The following LRP1B variants were observed in gnomAD, a reference collection of about 807,000 sequenced individuals.
The protein encoded by LRP1B is low-density lipoprotein receptor-related protein 1B.
In LRP1B, 217 loss-of-function variants were observed where a neutral mutation model predicts 556.6. The ratio of observed to expected loss-of-function variants is 0.39; its 90% CI spans 0.35 to 0.44. The LOEUF is 0.44. LRP1B is among the 20% of genes least tolerant of loss of function. The pLI, the probability that LRP1B is intolerant of heterozygous loss-of-function variation, is 1.00. For synonymous variants in LRP1B, 2,047 were observed against 1,865.8 expected (o/e 1.10, Z -2.50); for missense variants, 5,053 against 5,620.8 (o/e 0.90, Z 3.23).
At chr2:141,422,120 T>A (rs1308075129) in intron 3 of LRP1B, among the ~76,000 whole-genome samples, 1 of 152,180 alleles carries the variant, frequency 6.6e-6, no homozygotes, top group African/African-American at 2.4e-5. Flanking sequence ...GTGACCCAAC[T>A]TTTTCATCTA....
intron 1 of LRP1B, among the ~76,000 whole-genome samples, chr2:142,095,478 CTTTAA>C (rs1383539359): frequency 6.6e-6 from 1 of 151,440 alleles, no homozygotes; most frequent in Non-Finnish European, 1.5e-5. Flanking sequence ...TGTGTGTATC[CTTTAA>C]TTTTTTTCAT....
At chr2:140,329,745 A>G (rs1306861614) in intron 79 of LRP1B, among the ~76,000 whole-genome samples, 1 of 152,038 alleles carries the variant, frequency 6.6e-6, no homozygotes, top group Admixed American at 6.6e-5. Flanking sequence ...GGAACCAGAG[A>G]AAACACAAGA....
At chr2:140,950,126 T>C (rs922636712) in intron 20 of LRP1B, 109 bp downstream of exon 20, 10 of 754,408 alleles carry the variant, frequency 1.3e-5, no homozygotes, top group Non-Finnish European at 2.0e-5. Context: ...ATGTATATTC[T>C]TGCCTAATAA....
intron 7 of LRP1B, among the ~76,000 whole-genome samples, chr2:141,119,792 T>A (rs1466959056): frequency 2.6e-5 from 4 of 151,658 alleles, no homozygotes; most frequent in Admixed American, 2.6e-4. Flanking sequence ...GTATCTGTTA[T>A]GTATAAAGAA....
chr2:140,883,885 G>C lies in LRP1B; in HGVS notation c.4101C>G (p.Ser1367=), dbSNP rs1559173851. The change falls in exon 25 of 91, where the codon TCC becomes TCG. Residue 1367 remains serine, a synonymous_variant. Coordinates refer to ENST00000389484, the MANE Select transcript of LRP1B (RefSeq NM_018557.3). ...DQIEVAKLDG[S]LRTTLIAGAM... is the part of the protein sequence containing the mutation. ...CTCCTGCTATTAGTGTAGTTCTTAGGGAGCCATCTAGTTTGGCCACTTCGA... is the reference window on the plus strand; with the variant it reads ...CTCCTGCTATTAGTGTAGTTCTTAGCGAGCCATCTAGTTTGGCCACTTCGA... The C allele has an allele frequency of 6.2e-7, 1 of 1,613,676 alleles. No individual in the cohort carries two copies. The highest frequency in any genetic ancestry group is 8.5e-7 in the Non-Finnish European group (1 of 1,179,856).
chr2:141,864,633 G>A (rs1698348349), intron 1 of LRP1B, among the ~76,000 whole-genome samples: 1 of 151,502 alleles, frequency 6.6e-6, no homozygotes, highest in African/African-American at 2.4e-5. Flanking sequence ...TGTAATCCCA[G>A]CACTTTGGGA....
At chr2:140,357,239 G>T (rs1051278367) in intron 74 of LRP1B, among the ~76,000 whole-genome samples, 1 of 151,362 alleles carries the variant, frequency 6.6e-6, no homozygotes, top group African/African-American at 2.4e-5. Flanking sequence ...AATTATTATC[G>T]TTGTAACCCC....
chr2:140,284,306 C>CCG, intron 84 of LRP1B, among the ~76,000 whole-genome samples: 2 of 126,400 alleles, frequency 1.6e-5, no homozygotes, highest in Non-Finnish European at 3.3e-5. Context: ...CCCCCTCCCC[C>CCG]CCAAAAAAAA....
At chr2:140,971,259 G>A (rs1696414442) in intron 18 of LRP1B, among the ~76,000 whole-genome samples, 3 of 152,084 alleles carry the variant, frequency 2.0e-5, no homozygotes, top group African/African-American at 2.4e-5. Context: ...TGGGGAAGAA[G>A]GTCACAAAGA....
intron 3 of LRP1B, among the ~76,000 whole-genome samples, chr2:141,461,580 G>A (rs562949369): frequency 6.6e-6 from 1 of 152,240 alleles, no homozygotes; most frequent in African/African-American, 2.4e-5. Flanking sequence ...GATATCCCCA[G>A]AACAAGGACT....
intron 33 of LRP1B, 149 bp from the exon 34 acceptor site, chr2:140,771,155 T>C: frequency 1.8e-6 from 1 of 556,144 alleles, no homozygotes; most frequent in Non-Finnish European, 3.0e-6. Flanking sequence ...TTTATTCTCT[T>C]GAATAATTTA....
At chr2:142,104,253 C>T (rs376986216) in intron 1 of LRP1B, among the ~76,000 whole-genome samples, 3 of 152,082 alleles carry the variant, frequency 2.0e-5, no homozygotes, top group Non-Finnish European at 2.9e-5. Context: ...TCTACTAATG[C>T]CAACTCTAAA....
chr2:141,821,361 T>C (rs1291691656), intron 1 of LRP1B, among the ~76,000 whole-genome samples: 1 of 152,212 alleles, frequency 6.6e-6, no homozygotes, highest in Non-Finnish European at 1.5e-5. Context: ...CAAGCTAGTG[T>C]ACCATTAAAG....
chr2:141,445,710 A>G (rs1422540992), intron 3 of LRP1B, among the ~76,000 whole-genome samples: 1 of 152,184 alleles, frequency 6.6e-6, no homozygotes, highest in Non-Finnish European at 1.5e-5. Flanking sequence ...CAGGTTGTTC[A>G]GTTTCCATGT....
chr2:140,525,664 T>C (rs1289598328), intron 49 of LRP1B, among the ~76,000 whole-genome samples, 180 bp downstream of exon 49: 1 of 151,984 alleles, frequency 6.6e-6, no homozygotes, highest in African/African-American at 2.4e-5. Flanking sequence ...ATTTTGTAAC[T>C]CACTTAAAAA....
intron 2 of LRP1B, among the ~76,000 whole-genome samples, chr2:141,806,417 A>C (rs1696170147): frequency 2.0e-5 from 3 of 152,068 alleles, no homozygotes; most frequent in African/African-American, 7.2e-5. Flanking sequence ...CACTTGAAAA[A>C]TTATTTTAAA....
intron 1 of LRP1B, among the ~76,000 whole-genome samples, chr2:141,953,870 A>T (rs1701177692): frequency 6.6e-6 from 1 of 152,132 alleles, no homozygotes; most frequent in Admixed American, 6.6e-5. Flanking sequence ...ATTGTAAAAC[A>T]CTGTGGTAAT....
At chr2:142,103,901 C>T (rs547626318) in intron 1 of LRP1B, among the ~76,000 whole-genome samples, 11 of 152,174 alleles carry the variant, frequency 7.2e-5, no homozygotes, top group South Asian at 4.1e-4. Context: ...ATTAGCAGAA[C>T]GTGTCAGCTG....
At chr2:140,390,808 CAT>C (rs1292461485) in intron 66 of LRP1B, among the ~76,000 whole-genome samples, 1 of 135,072 alleles carries the variant, frequency 7.4e-6, no homozygotes, top group African/African-American at 2.8e-5. Context: ...ACACACACAA[CAT>C]ATTTGAGTAG....
Sources: allele counts gnomAD v4.1 joint callset (sites outside exome capture counted in the v4.1 genomes callset), GRCh38; gene constraint gnomAD v4.1.1; transcripts MANE v1.5; gene names NCBI Gene and HGNC (gene_info 2026-07-23, HGNC 2026-07-21).